METTL16: variants seen among roughly 807,000 people sequenced by gnomAD.
METTL16 encodes methyltransferase 16, RNA N6-adenosine, also known as RNA N(6)-adenosine-methyltransferase METTL16.
METTL16 carries 19 observed loss-of-function variants against 57.9 expected under a neutral mutation model. The observed-to-expected ratio is 0.33, with a 90% CI of 0.23 to 0.48. The LOEUF (loss-of-function observed/expected upper bound fraction) is 0.48, where lower values mean the gene tolerates loss of function less well. METTL16 is among the 20% of genes least tolerant of loss of function. METTL16 has a pLI of 0.99. For missense variants in METTL16, 434 were observed against 691.5 expected (o/e 0.63, Z 4.18); for synonymous variants, 246 against 255.6 (o/e 0.96, Z 0.36).
intron 2 of METTL16, among the ~76,000 whole-genome samples, chr17:2,498,193 CAA>C (rs1199819434): frequency 1.4e-5 from 2 of 141,336 alleles, no homozygotes; most frequent in East Asian, 2.1e-4. Flanking sequence ...GACTCCATCT[CAA>C]AAAAAAAAGA....
chr17:2,427,202 C>T (rs1366555499), intron 8 of METTL16, among the ~76,000 whole-genome samples: 17 of 151,938 alleles, frequency 1.1e-4, no homozygotes, highest in Non-Finnish European at 5.9e-5. Flanking sequence ...AAATAGTAAC[C>T]CATGAAGAAG....
At chr17:2,435,702 G>A (rs1002378828) in intron 8 of METTL16, among the ~76,000 whole-genome samples, 3 of 150,212 alleles carry the variant, frequency 2.0e-5, no homozygotes, top group African/African-American at 4.9e-5. Flanking sequence ...TGGCAGGGGG[G>A]AGTCTGGGGC....
chr17:2,450,248 C>T (rs1046071201), intron 6 of METTL16, among the ~76,000 whole-genome samples: 2 of 152,144 alleles, frequency 1.3e-5, no homozygotes, highest in East Asian at 1.9e-4. Flanking sequence ...AATGGATGAA[C>T]GAACTGTGGT....
At chr17:2,443,201 C>T (rs2066966648) in intron 6 of METTL16, among the ~76,000 whole-genome samples, 2 of 152,092 alleles carry the variant, frequency 1.3e-5, no homozygotes, top group South Asian at 4.2e-4. Flanking sequence ...CCATGTTGGA[C>T]AGGCTGGTCT....
chr17:2,474,938 T>C lies in METTL16; in HGVS notation c.329-1274A>G, dbSNP rs535836164. On this transcript the variant is annotated intron_variant, in intron 3 of 9. Transcript: ENST00000263092. ...CTCTCTCTCTCTCTCTCTTACAATA[T>C]TGACTATCTTGGCCAATTAGATCCT... Among the ~76,000 whole-genome samples the C allele has an allele frequency of 1.5e-3, 225 of 152,160 alleles. 1 individual carries two copies. Among genetic ancestry groups the C allele is most frequent in the African/African-American group, 5.2e-3 (215 of 41,476 alleles).
At chr17:2,493,129 C>CT (rs764351584) in intron 2 of METTL16, among the ~76,000 whole-genome samples, 1,645 of 132,842 alleles carry the variant, frequency 0.012, 35 homozygotes, top group African/African-American at 0.037. Flanking sequence ...GGTGATTCTT[C>CT]TTTTTTTTTT....
In METTL16 at chr17:2,482,323, G is replaced by A. The variant is rs534673032; in HGVS notation, c.129-4438C>T. ...TGCTATACATCATTTCATTCATGTC[G>A]CAGTTTCCAAGAATCTACTGGCAAC... On this transcript the variant is annotated intron_variant, in intron 2 of 9. Transcript: ENST00000263092. Among the ~76,000 whole-genome samples the A allele has an allele frequency of 8.5e-5, 13 of 152,198 alleles. 1 individual carries two copies. The highest frequency in any genetic ancestry group is 2.6e-4 in the African/African-American group (11 of 41,520).
intron 6 of METTL16, among the ~76,000 whole-genome samples, chr17:2,458,002 A>G (rs1488080391): frequency 6.6e-6 from 1 of 152,022 alleles, no homozygotes; most frequent in Non-Finnish European, 1.5e-5. Flanking sequence ...ACCTTGGCCT[A>G]CTGGGTAGCT....
At chr17:2,443,384 AAAT>A in intron 6 of METTL16, among the ~76,000 whole-genome samples, 1 of 152,206 alleles carries the variant, frequency 6.6e-6, no homozygotes. Flanking sequence ...TTTAAGGAAG[AAAT>A]AATATTAATT....
rs1379093893 is a variant in METTL16 at position 2,428,452 on chromosome 17, C to T, written c.889-7548G>A. Among the ~76,000 whole-genome samples, 26 of 145,172 alleles carry T rather than the reference C, an allele frequency of 1.8e-4. No individual in the cohort carries two copies. The South Asian group carries it at 2.9e-3, about 16-fold the overall frequency. On this transcript the variant is annotated intron_variant, in intron 8 of 9. Transcript: ENST00000263092. ...TGAATTGAAAAATGTAGCCTCAACC[C>T]GGGAGGCAGAGCTTGCAGTGAGCTG...
intron 6 of METTL16, among the ~76,000 whole-genome samples, chr17:2,460,903 A>C (rs1475623700): frequency 6.6e-6 from 1 of 151,870 alleles, no homozygotes; most frequent in African/African-American, 2.4e-5. Flanking sequence ...AAAAAAAAAA[A>C]AGTCATCATG....
intron 8 of METTL16, among the ~76,000 whole-genome samples, chr17:2,421,855 A>G (rs1295147373): frequency 6.6e-6 from 1 of 152,136 alleles, no homozygotes; most frequent in Admixed American, 6.5e-5. Flanking sequence ...GCGGCGAGCT[A>G]AGCACTGCCT....
chr17:2,477,958 G>A, intron 2 of METTL16, 73 bp from the exon 3 acceptor site: 1 of 1,341,504 alleles, frequency 7.5e-7, no homozygotes. Flanking sequence ...ACGGCAAACA[G>A]GCAGAACCAA....
intron 8 of METTL16, among the ~76,000 whole-genome samples, chr17:2,430,481 T>A (rs2066865451): frequency 6.8e-6 from 1 of 146,856 alleles, no homozygotes; most frequent in South Asian, 2.2e-4. Context: ...AGTGGCGGGA[T>A]CTCGGCTCAC....
chr17:2,443,521 CT>C (rs2066969311), intron 6 of METTL16, among the ~76,000 whole-genome samples: 1 of 147,782 alleles, frequency 6.8e-6, no homozygotes, highest in South Asian at 2.1e-4. Context: ...CAGTCTCACT[CT>C]GTCACCCAGG....
chr17:2,499,020 A>G (rs1172128512), intron 2 of METTL16, among the ~76,000 whole-genome samples: 2 of 151,498 alleles, frequency 1.3e-5, no homozygotes, highest in African/African-American at 4.9e-5. Context: ...ATTCCTTAAA[A>G]CACAACCAAG....
chr17:2,487,003 C>CAAAAAAAA lies in METTL16; in HGVS notation c.129-9126_129-9119dup, dbSNP rs11397318. On this transcript the variant is annotated intron_variant, in intron 2 of 9. Transcript: ENST00000263092. ...TGGGCAACAGAGTGAGATCCTGTCT[C>CAAAAAAAA]AAAAAAAAAAAAAAAAAAAAAAAGG... 3.5e-5 allele frequency among the ~76,000 whole-genome samples: 2 copies of CAAAAAAAA among 57,410 alleles called. 1 individual carries two copies. The highest frequency in any genetic ancestry group is 1.5e-4 in the African/African-American group (2 of 13,066). The allele number at this position is 57,410 out of a possible 152,430, so 37.7% of individuals were successfully genotyped here.
At chr17:2,465,322 T>C (rs968115514) in intron 5 of METTL16, among the ~76,000 whole-genome samples, 2 of 150,996 alleles carry the variant, frequency 1.3e-5, no homozygotes, top group African/African-American at 4.9e-5. Flanking sequence ...GGCGGGAGGA[T>C]CACGAGGTCA....
intron 2 of METTL16, among the ~76,000 whole-genome samples, chr17:2,493,126 C>A (rs984380165): frequency 1.4e-5 from 2 of 138,486 alleles, no homozygotes; most frequent in African/African-American, 2.6e-5. Context: ...TTTGGTGATT[C>A]TTCTTTTTTT....
Sources: allele counts gnomAD v4.1 joint callset (sites outside exome capture counted in the v4.1 genomes callset), GRCh38; gene constraint gnomAD v4.1.1; transcripts MANE v1.5; gene names NCBI Gene and HGNC (gene_info 2026-07-23, HGNC 2026-07-21).